The following OXR1 variants were observed in gnomAD, a reference collection of about 807,000 sequenced individuals.
OXR1 encodes oxidation resistance protein 1.
Under a neutral mutation model 104.6 loss-of-function variants are expected in OXR1, and 41 were observed. The ratio of observed to expected loss-of-function variants is 0.39; its 90% CI spans 0.31 to 0.51. The LOEUF (loss-of-function observed/expected upper bound fraction) is 0.51. Ranked by LOEUF, OXR1 falls within the 20% of genes least tolerant of loss-of-function variation. The probability of loss-of-function intolerance (pLI) is 0.77; values close to 1 mark genes in which losing one functional copy is unlikely to be tolerated. For missense variants in OXR1, 955 were observed against 1,031.9 expected (o/e 0.93, Z 1.02); for synonymous variants, 348 against 348.4 (o/e 1.00, Z 0.01).
rs1254304430 is a variant in OXR1, at chr8:106,644,892, C to T, written c.221-34318C>T. 2.6e-5 allele frequency among the ~76,000 whole-genome samples: 4 copies of T among 152,294 alleles called. No individual in the cohort carries two copies. In the East Asian group the frequency reaches 5.8e-4, roughly 22 times the overall value. On this transcript the variant is annotated intron_variant, in intron 3 of 16. Transcript: ENST00000517566. ...CCCTACAGCCATGGAACCAGAATCT[C>T]TGCGTATAGTTGGAGAATTTTAATT...
At chr8:106,481,172 G>A (rs142010907) in intron 2 of OXR1, among the ~76,000 whole-genome samples, 1 of 152,104 alleles carries the variant, frequency 6.6e-6, no homozygotes, top group Non-Finnish European at 1.5e-5. Context: ...AACATACTCA[G>A]ATCTTAGAAT....
intron 3 of OXR1, among the ~76,000 whole-genome samples, chr8:106,555,548 T>C (rs1287100835): frequency 1.3e-5 from 2 of 152,062 alleles, no homozygotes; most frequent in Non-Finnish European, 2.9e-5. Flanking sequence ...GAAGAGTCTA[T>C]AGATGAGAAA....
At position 106,740,507 on chromosome 8, in the gene OXR1, C is replaced by T. The variant is rs569299062; in HGVS notation, c.2316+12C>T. ...ACAGTGATGGACAGGTATGAAACACCAACTGCATAGATTGCTTATCCTTTA... is the reference window on the plus strand; with the variant it reads ...ACAGTGATGGACAGGTATGAAACACTAACTGCATAGATTGCTTATCCTTTA... On this transcript the variant is annotated intron_variant, in intron 14 of 16. Coordinates refer to ENST00000517566, the MANE Select transcript of OXR1 (RefSeq NM_001198533.2). The T allele has an allele frequency of 6.3e-7, 1 of 1,599,250 alleles. No individual in the cohort carries two copies. The highest frequency in any genetic ancestry group is 2.2e-5 in the East Asian group (1 of 44,506).
At chr8:106,301,517 G>T (rs1167613842) in intron 1 of OXR1, among the ~76,000 whole-genome samples, 1 of 152,138 alleles carries the variant, frequency 6.6e-6, no homozygotes, top group East Asian at 1.9e-4. Context: ...CAGTTGTGTA[G>T]AAGAGCAAGG....
At chr8:106,529,482 C>A (rs994967765) in intron 3 of OXR1, among the ~76,000 whole-genome samples, 2 of 151,962 alleles carry the variant, frequency 1.3e-5, no homozygotes, top group Non-Finnish European at 2.9e-5. Context: ...CTAAAATTTA[C>A]CAAGGAACCG....
chr8:106,587,559 T>A (rs1004685714), intron 3 of OXR1, among the ~76,000 whole-genome samples: 2 of 152,306 alleles, frequency 1.3e-5, no homozygotes, highest in Middle Eastern at 6.8e-3. Context: ...AGGTGGACTT[T>A]AAATAAAGAA....
chr8:106,511,721 A>G (rs1015749843), intron 2 of OXR1, among the ~76,000 whole-genome samples: 1 of 152,242 alleles, frequency 6.6e-6, no homozygotes, highest in Non-Finnish European at 1.5e-5. Flanking sequence ...GCAGGCAGAT[A>G]TAGCATGAAT....
chr8:106,298,045 G>C (rs1447262475), intron 1 of OXR1, among the ~76,000 whole-genome samples: 2 of 152,066 alleles, frequency 1.3e-5, no homozygotes, highest in Non-Finnish European at 2.9e-5. Flanking sequence ...AAATTCGGCT[G>C]GTAGTCAACA....
chr8:106,700,069 A>G (rs1375638520), intron 7 of OXR1, among the ~76,000 whole-genome samples: 1 of 152,108 alleles, frequency 6.6e-6, no homozygotes, highest in Non-Finnish European at 1.5e-5. Context: ...TTTCTAATAG[A>G]AATAATTTCT....
chr8:106,395,876 T>C (rs915101941), intron 2 of OXR1, among the ~76,000 whole-genome samples: 4 of 151,906 alleles, frequency 2.6e-5, no homozygotes, highest in Non-Finnish European at 4.4e-5. Context: ...AGACAGACCT[T>C]GAGTGTCTTC....
chr8:106,736,925 A>G (rs1834428418), intron 11 of OXR1, among the ~76,000 whole-genome samples: 1 of 152,168 alleles, frequency 6.6e-6, no homozygotes, highest in Non-Finnish European at 1.5e-5. Flanking sequence ...TTTTGATTAG[A>G]CATACTTTTG....
At chr8:106,668,715 A>G (rs985420228) in intron 3 of OXR1, among the ~76,000 whole-genome samples, 3 of 152,218 alleles carry the variant, frequency 2.0e-5, no homozygotes, top group Non-Finnish European at 4.4e-5. Context: ...AATATAGTCT[A>G]TCACCATGAC....
At chr8:106,596,013 A>G (rs188473857) in intron 3 of OXR1, among the ~76,000 whole-genome samples, 24 of 152,306 alleles carry the variant, frequency 1.6e-4, no homozygotes, top group Non-Finnish European at 3.4e-4. Flanking sequence ...GTTATCATTT[A>G]TTTTTAAATA....
chr8:106,527,355 C>T (rs1420690853), intron 3 of OXR1, among the ~76,000 whole-genome samples: 2 of 152,106 alleles, frequency 1.3e-5, no homozygotes, highest in Admixed American at 1.3e-4. Flanking sequence ...TGGATCTGAT[C>T]AAGTCATCCC....
chr8:106,403,884 T>G (rs974344253), intron 2 of OXR1, among the ~76,000 whole-genome samples: 1 of 152,050 alleles, frequency 6.6e-6, no homozygotes, highest in South Asian at 2.1e-4. Flanking sequence ...CAGCTCTTCA[T>G]GGGTCACACT....
intron 2 of OXR1, among the ~76,000 whole-genome samples, chr8:106,427,491 A>G (rs1819181808): frequency 6.6e-6 from 1 of 152,174 alleles, no homozygotes; most frequent in East Asian, 1.9e-4. Flanking sequence ...TAGATTCTCC[A>G]AAGGGCTGAG....
At chr8:106,647,969 A>G (rs1215915388) in intron 3 of OXR1, among the ~76,000 whole-genome samples, 1 of 152,204 alleles carries the variant, frequency 6.6e-6, no homozygotes, top group Non-Finnish European at 1.5e-5. Flanking sequence ...AAAGATTTGC[A>G]GATGTGTCGT....
intron 8 of OXR1, among the ~76,000 whole-genome samples, chr8:106,703,937 A>G (rs1211927556): frequency 6.6e-6 from 1 of 152,220 alleles, no homozygotes; most frequent in Non-Finnish European, 1.5e-5. Context: ...ATTAGCCCAC[A>G]GGAATGATAG....
intron 1 of OXR1, among the ~76,000 whole-genome samples, chr8:106,285,603 G>A (rs549060863): frequency 1.3e-5 from 2 of 151,950 alleles, no homozygotes; most frequent in South Asian, 4.2e-4. Flanking sequence ...CTGCACTTGG[G>A]AGGCTCATTA....
Sources: gnomAD v4.1 joint callset for allele counts (sites outside exome capture counted in the v4.1 genomes callset) on GRCh38, gnomAD v4.1.1 for gene constraint, MANE v1.5 for transcripts, NCBI Gene and HGNC (gene_info 2026-07-23, HGNC 2026-07-21) for gene names.